The following GHR variants were observed in gnomAD, a reference collection of about 807,000 sequenced individuals.
The protein encoded by GHR is GH receptor.
In GHR, 35 loss-of-function variants were observed where a neutral mutation model predicts 67.1. The observed-to-expected ratio is 0.52, with a 90% CI of 0.40 to 0.69. GHR has a LOEUF of 0.69. Among genes scored for constraint, GHR ranks in the 30% least tolerant of loss-of-function variants. GHR has a pLI of 0.00. For missense variants in GHR, 792 were observed against 764.6 expected (o/e 1.04, Z -0.42); for synonymous variants, 272 against 269.1 (o/e 1.01, Z -0.10).
intron 1 of GHR, among the ~76,000 whole-genome samples, chr5:42,542,417 G>A (rs1199061150): frequency 6.6e-6 from 1 of 152,158 alleles, no homozygotes; most frequent in African/African-American, 2.4e-5. Context: ...AAGAAATTGG[G>A]CAAGGAGGAA....
intron 1 of GHR, among the ~76,000 whole-genome samples, chr5:42,479,268 G>C (rs1393642084): frequency 6.6e-6 from 1 of 152,176 alleles, no homozygotes; most frequent in African/African-American, 2.4e-5. Flanking sequence ...TTTTTGATGT[G>C]CTGCTGGATT....
Position 42,699,822 on chromosome 5 carries a change from A to C in GHR, c.440-2A>C. On this transcript the variant is annotated splice_acceptor_variant, in intron 5 of 9. Coordinates refer to ENST00000230882, the MANE Select transcript of GHR (RefSeq NM_000163.5). LOFTEE classifies it high-confidence loss of function. ...GTACTAATGCTCTGTTGAATTGCAC[A>C]GTGCAACCAGATCCACCCATTGCCC... 1.2e-6 allele frequency: 2 copies of C among 1,600,762 alleles called. No individual in the cohort carries two copies. The highest frequency in any genetic ancestry group is 2.2e-5 in the South Asian group (2 of 90,834).
intron 6 of GHR, among the ~76,000 whole-genome samples, chr5:42,707,927 A>G (rs958657822): frequency 5.3e-5 from 8 of 152,218 alleles, no homozygotes; most frequent in African/African-American, 1.9e-4. Flanking sequence ...TGATTTGCAT[A>G]TTACCATGAA....
intron 1 of GHR, among the ~76,000 whole-genome samples, chr5:42,550,337 G>A (rs892217125): frequency 3.9e-5 from 6 of 152,062 alleles, no homozygotes; most frequent in Admixed American, 6.5e-5. Context: ...CACTGTTCTC[G>A]GGGCCATGTT....
chr5:42,607,294 C>T (rs1284999746), intron 2 of GHR, among the ~76,000 whole-genome samples: 1 of 152,130 alleles, frequency 6.6e-6, no homozygotes, highest in African/African-American at 2.4e-5. Flanking sequence ...GAGCAAGTCC[C>T]TCAGGGAGGA....
intron 2 of GHR, among the ~76,000 whole-genome samples, chr5:42,618,232 C>T (rs933922484): frequency 1.3e-5 from 2 of 152,204 alleles, no homozygotes; most frequent in East Asian, 3.9e-4. Flanking sequence ...TTTCTGGAAC[C>T]ACTTCCATGT....
chr5:42,619,132 G>A (rs1195710052), intron 2 of GHR, among the ~76,000 whole-genome samples: 1 of 152,042 alleles, frequency 6.6e-6, no homozygotes, highest in African/African-American at 2.4e-5. Context: ...GGATTGCAGT[G>A]GAAAAGATAC....
At chr5:42,713,378 G>A (rs1413928654) in intron 7 of GHR, 51 bp from the exon 8 acceptor site, 1 of 832,016 alleles carries the variant, frequency 1.2e-6, no homozygotes, top group Middle Eastern at 2.2e-4. Context: ...AATGTAAACT[G>A]TGCTTCAACT....
At chr5:42,658,540 A>G (rs1184323873) in intron 3 of GHR, among the ~76,000 whole-genome samples, 1 of 152,238 alleles carries the variant, frequency 6.6e-6, no homozygotes, top group Non-Finnish European at 1.5e-5. Flanking sequence ...TTTTGCTTAT[A>G]TACAGTAAGA....
intron 1 of GHR, among the ~76,000 whole-genome samples, chr5:42,552,812 C>T (rs1749106183): frequency 6.6e-6 from 1 of 152,158 alleles, no homozygotes; most frequent in Admixed American, 6.5e-5. Flanking sequence ...TGAGGGAGAG[C>T]ATCATCAAGC....
intron 3 of GHR, among the ~76,000 whole-genome samples, chr5:42,654,216 A>C (rs1169304622): frequency 6.6e-6 from 1 of 152,102 alleles, no homozygotes; most frequent in African/African-American, 2.4e-5. Context: ...AAGATGCTTT[A>C]CCTCTCAGAG....
At chr5:42,481,218 C>G (rs980783005) in intron 1 of GHR, among the ~76,000 whole-genome samples, 4 of 150,558 alleles carry the variant, frequency 2.7e-5, no homozygotes, top group African/African-American at 7.3e-5. Context: ...TATTGGCCCC[C>G]ACTCTCTTCT....
At chr5:42,667,690 T>C (rs1756061471) in intron 3 of GHR, among the ~76,000 whole-genome samples, 1 of 152,130 alleles carries the variant, frequency 6.6e-6, no homozygotes, top group African/African-American at 2.4e-5. Flanking sequence ...GCATCTCAAG[T>C]TTTAATGCGC....
chr5:42,601,716 A>G (rs1207940356), intron 2 of GHR, among the ~76,000 whole-genome samples: 2 of 152,072 alleles, frequency 1.3e-5, no homozygotes, highest in Non-Finnish European at 2.9e-5. Context: ...TTATGTTTAT[A>G]TTAAAAATAT....
At chr5:42,712,688 C>T (rs889410592) in intron 7 of GHR, among the ~76,000 whole-genome samples, 1 of 151,956 alleles carries the variant, frequency 6.6e-6, no homozygotes, top group Non-Finnish European at 1.5e-5. Context: ...GGTAAGAATA[C>T]TGGGTACCAA....
At chr5:42,669,026 C>T (rs982129963) in intron 3 of GHR, among the ~76,000 whole-genome samples, 4 of 152,078 alleles carry the variant, frequency 2.6e-5, no homozygotes, top group Non-Finnish European at 5.9e-5. Context: ...CAAGAGAATA[C>T]ATAGAGCAAA....
chr5:42,583,277 C>T (rs1180737369), intron 2 of GHR, among the ~76,000 whole-genome samples: 1 of 152,196 alleles, frequency 6.6e-6, no homozygotes, highest in African/African-American at 2.4e-5. Flanking sequence ...ACTCCTTCTC[C>T]TCTCCCATTT....
chr5:42,579,913 T>A (rs1358553282), intron 2 of GHR, among the ~76,000 whole-genome samples: 2 of 152,110 alleles, frequency 1.3e-5, no homozygotes, highest in Non-Finnish European at 2.9e-5. Flanking sequence ...GCTGTTTTTT[T>A]TTTTTAAAAT....
chr5:42,682,606 A>T (rs1250402246), intron 3 of GHR, among the ~76,000 whole-genome samples: 1 of 152,068 alleles, frequency 6.6e-6, no homozygotes, highest in African/African-American at 2.4e-5. Flanking sequence ...ATGTGACAGG[A>T]TGTGATTAAG....
Sources: gnomAD v4.1 joint callset for allele counts (sites outside exome capture counted in the v4.1 genomes callset) on GRCh38, gnomAD v4.1.1 for gene constraint, MANE v1.5 for transcripts, NCBI Gene and HGNC (gene_info 2026-07-23, HGNC 2026-07-21) for gene names.